SKA2: variants seen among roughly 807,000 people sequenced by gnomAD.
The protein encoded by SKA2 is spindle and kinetochore-associated protein 2.
Under a neutral mutation model 16.9 loss-of-function variants are expected in SKA2, and 13 were observed. The ratio of observed to expected loss-of-function variants is 0.77; its 90% CI spans 0.50 to 1.22. The LOEUF (loss-of-function observed/expected upper bound fraction) is 1.22, where lower values mean the gene tolerates loss of function less well. SKA2 is among the 50% of genes most tolerant of loss of function. SKA2 has a pLI of 0.00. For missense variants in SKA2, 107 were observed against 139.7 expected (o/e 0.77, Z 1.18); for synonymous variants, 47 against 48.5 (o/e 0.97, Z 0.13).
chr17:59,141,685 C>T (rs541649470), intron 1 of SKA2, among the ~76,000 whole-genome samples: 15 of 147,610 alleles, frequency 1.0e-4, no homozygotes, highest in Non-Finnish European at 8.9e-5. Flanking sequence ...GATCACATCA[C>T]TGCACTCCAA....
intron 1 of SKA2, among the ~76,000 whole-genome samples, chr17:59,150,950 CG>C (rs1213915710): frequency 2.0e-5 from 3 of 151,568 alleles, no homozygotes; most frequent in African/African-American, 7.3e-5. Context: ...ATTCTCCAGA[CG>C]TGTTTCATAA....
chr17:59,120,543 C>A (rs1273983905), intron 2 of SKA2, among the ~76,000 whole-genome samples: 1 of 152,062 alleles, frequency 6.6e-6, no homozygotes, highest in Non-Finnish European at 1.5e-5. Context: ...CCACTGTATC[C>A]TGCCAGATTT....
At position 59,122,827 on chromosome 17, in the gene SKA2, TGG is replaced by T. The variant is rs2046344111; in HGVS notation, c.121-3334_121-3333del. Among the ~76,000 whole-genome samples the T allele has an allele frequency of 5.9e-5, 9 of 152,016 alleles. 1 individual carries two copies. Among genetic ancestry groups the T allele is most frequent in the Admixed American group, 5.2e-4 (8 of 15,264 alleles). On this transcript the variant is annotated intron_variant, in intron 2 of 3. Transcript: ENST00000330137. ...TAGTAGAGATGAGGTTTCGCCATGT[TGG>T]CCAGGCTGGTCTAGAACTCCTGACC...
intron 1 of SKA2, among the ~76,000 whole-genome samples, chr17:59,143,117 T>C (rs1305303178): frequency 1.3e-5 from 2 of 152,084 alleles, no homozygotes; most frequent in South Asian, 2.1e-4. Context: ...TGGTATCTTG[T>C]AGCAAATAGA....
chr17:59,116,242 G>C (rs1287952456), intron 3 of SKA2, among the ~76,000 whole-genome samples: 1 of 152,116 alleles, frequency 6.6e-6, no homozygotes, highest in Admixed American at 6.6e-5. Context: ...GCGTGGTGGC[G>C]CATGCCTGTA....
chr17:59,123,620 A>G (rs1459813088), intron 2 of SKA2, among the ~76,000 whole-genome samples: 2 of 151,970 alleles, frequency 1.3e-5, no homozygotes, highest in Non-Finnish European at 1.5e-5. Flanking sequence ...CAGTGGTGCA[A>G]TCATAGCTCA....
intron 1 of SKA2, among the ~76,000 whole-genome samples, chr17:59,154,514 G>C (rs1292324920): frequency 3.9e-5 from 6 of 152,218 alleles, no homozygotes; most frequent in Non-Finnish European, 8.8e-5. Flanking sequence ...TCCGGGAGCG[G>C]AGCTCGTGGT....
At chr17:59,113,477 C>G (rs941560766) in intron 3 of SKA2, among the ~76,000 whole-genome samples, 2 of 151,510 alleles carry the variant, frequency 1.3e-5, no homozygotes, top group African/African-American at 2.4e-5. Context: ...GACCCAAGAT[C>G]GCACCACTGA....
chr17:59,154,769 T>G (rs1030986526), intron 1 of SKA2, among the ~76,000 whole-genome samples: 9 of 151,990 alleles, frequency 5.9e-5, no homozygotes, highest in Non-Finnish European at 1.2e-4. Context: ...CACCTCTCCC[T>G]TCTTGGGACG....
At chr17:59,129,955 GGGAA>G (rs1208037310) in intron 2 of SKA2, among the ~76,000 whole-genome samples, 1 of 138,770 alleles carries the variant, frequency 7.2e-6, no homozygotes, top group Admixed American at 7.5e-5. Context: ...GAGGGAAGGA[GGGAA>G]GGAAGGAAGG....
intron 1 of SKA2, among the ~76,000 whole-genome samples, chr17:59,135,246 T>G (rs574401728): frequency 2.0e-5 from 3 of 152,050 alleles, no homozygotes; most frequent in Non-Finnish European, 4.4e-5. Context: ...AAATAACTTT[T>G]ATTTTAGGAA....
At chr17:59,119,612 T>A in intron 2 of SKA2, 117 bp from the exon 3 acceptor site, 1 of 904,196 alleles carries the variant, frequency 1.1e-6, no homozygotes. Context: ...CACTGTTGAG[T>A]ATTTAATTAT....
chr17:59,145,615 T>C (rs1331480427), intron 1 of SKA2, among the ~76,000 whole-genome samples: 1 of 152,152 alleles, frequency 6.6e-6, no homozygotes, highest in Admixed American at 6.6e-5. Flanking sequence ...TAATCACAGA[T>C]ACATTAGTCA....
chr17:59,116,627 T>G (rs1367219367), intron 3 of SKA2, among the ~76,000 whole-genome samples: 1 of 152,082 alleles, frequency 6.6e-6, no homozygotes, highest in Non-Finnish European at 1.5e-5. Flanking sequence ...TGATAAAGAT[T>G]ATAGCAAGAT....
rs10717347 is a variant in SKA2, at chr17:59,118,592, C to CT, written c.297+726dup. Among the ~76,000 whole-genome samples, 140 of 151,926 alleles carry CT rather than the reference C, an allele frequency of 9.2e-4. 3 individuals carry two copies. Among genetic ancestry groups the CT allele is most frequent in the African/African-American group, 3.2e-3 (131 of 41,418 alleles). Reference sequence around the variant, plus strand: ...TTTATAAAAGCTTATCATATACATACTTTTTTTTGCATTTAATTTACTAGC... The same window carrying CT: ...TTTATAAAAGCTTATCATATACATACTTTTTTTTTGCATTTAATTTACTAGC... On this transcript the variant is annotated intron_variant, in intron 3 of 3. Transcript: ENST00000330137.
At chr17:59,113,902 G>A (rs1469305092) in intron 3 of SKA2, among the ~76,000 whole-genome samples, 1 of 150,144 alleles carries the variant, frequency 6.7e-6, no homozygotes, top group Non-Finnish European at 1.5e-5. Flanking sequence ...CTTCTGGGCT[G>A]ACTTATTTAG....
chr17:59,134,333 C>T (rs961184575), intron 1 of SKA2, among the ~76,000 whole-genome samples: 2 of 152,102 alleles, frequency 1.3e-5, no homozygotes, highest in Non-Finnish European at 2.9e-5. Flanking sequence ...ATATAACATT[C>T]TTAAGCACAA....
Position 59,119,566 on chromosome 17 carries a change from A to G in SKA2, c.121-71T>C, listed in dbSNP as rs573970758. 21 of 1,339,080 alleles carry G rather than the reference A, an allele frequency of 1.6e-5. No homozygotes were observed. In the South Asian group the frequency reaches 2.5e-4, roughly 16 times the overall value. The allele number at this position is 1,339,080 out of a possible 1,614,324, so 82.9% of individuals were successfully genotyped here. ...AACTTTTTAAGAATTAAAATACTGT[A>G]TACATACAACACATTCTACCATCCA... On this transcript the variant is annotated intron_variant, in intron 2 of 3. Coordinates refer to ENST00000330137, the MANE Select transcript of SKA2 (RefSeq NM_182620.4).
chr17:59,146,832 T>C lies in SKA2; in HGVS notation c.33+8299A>G, dbSNP rs186877139. Among the ~76,000 whole-genome samples the C allele has an allele frequency of 8.3e-4, 126 of 152,260 alleles. 1 individual carries two copies. In the East Asian group the frequency reaches 0.023, roughly 27 times the overall value. ...GGCACCTGTCACCACACCGAGCTAATGTTTTTACTTTTATTTTTAGTAGAG... is the reference window on the plus strand; with the variant it reads ...GGCACCTGTCACCACACCGAGCTAACGTTTTTACTTTTATTTTTAGTAGAG... On this transcript the variant is annotated intron_variant, in intron 1 of 3. Coordinates refer to ENST00000330137, the MANE Select transcript of SKA2 (RefSeq NM_182620.4).
Sources: gnomAD v4.1 joint callset for allele counts (sites outside exome capture counted in the v4.1 genomes callset) on GRCh38, gnomAD v4.1.1 for gene constraint, MANE v1.5 for transcripts, NCBI Gene and HGNC (gene_info 2026-07-23, HGNC 2026-07-21) for gene names.